Variants in SAMHD1 observed in about 807,000 individuals in gnomAD.
SAMHD1 encodes SAM and HD domain containing deoxynucleoside triphosphate triphosphohydrolase 1.
SAMHD1 carries 54 observed loss-of-function variants against 79.6 expected under a neutral mutation model. The observed-to-expected ratio is 0.68, with a 90% CI of 0.55 to 0.85. The LOEUF (loss-of-function observed/expected upper bound fraction) is 0.85. Among genes scored for constraint, SAMHD1 ranks in the 40% least tolerant of loss-of-function variants. The pLI is 0.00. For synonymous variants in SAMHD1, 260 were observed against 264.1 expected, an observed-to-expected ratio of 0.98 and a Z score of 0.15; for missense variants, 663 against 782.7, an observed-to-expected ratio of 0.85 and a Z score of 1.82.
In SAMHD1 at chr20:36,897,462, T is replaced by C. The variant is rs543807499; in HGVS notation, c.1746+360A>G. On this transcript the variant is annotated intron_variant, in intron 15 of 15. Transcript: ENST00000646673. The stretch of plus-strand genomic sequence containing the variant: ...AGGTTTAGAAACATGAAGTCTATTA[T>C]CAATTTTATGTTAAACAAGTTAACT... 6 of 329,234 alleles carry C rather than the reference T, an allele frequency of 1.8e-5. No homozygotes were observed. In the East Asian group the frequency reaches 3.8e-4, roughly 21 times the overall value. 20.4% of individuals were successfully genotyped at this position (329,234 alleles called of 1,614,324 possible).
At chr20:36,901,754 T>A (rs1601116273) in intron 13 of SAMHD1, among the ~76,000 whole-genome samples, 3 of 151,888 alleles carry the variant, frequency 2.0e-5, no homozygotes, top group Non-Finnish European at 2.9e-5. Flanking sequence ...AAATAAATAA[T>A]TAACACTAAA....
At position 36,951,436 on chromosome 20, in the gene SAMHD1, C is replaced by T; in HGVS notation, c.208G>A (p.Glu70Lys). The change falls in exon 1 of 16, where the codon GAA (glutamate) becomes AAA (lysine). Residue 70 changes from glutamate (E) to lysine (K), a missense_variant and splice_region_variant. Coordinates refer to ENST00000646673, the MANE Select transcript of SAMHD1 (RefSeq NM_015474.4). ...CCCTCAGCCCCTCCGGAGCCGCTAC[C>T]TCGGATGTTCTTCAGCAGCACCGGC... ...EEPVLLKNIR[E>K]NEITGALLPC... is the part of the protein sequence containing the mutation. The T allele has an allele frequency of 6.2e-7, 1 of 1,613,882 alleles. No homozygotes were observed. The highest frequency in any genetic ancestry group is 8.5e-7 in the Non-Finnish European group (1 of 1,179,944).
At chr20:36,904,099 G>A (rs561335659) in intron 13 of SAMHD1, 58 bp downstream of exon 13, 1 of 1,147,878 alleles carries the variant, frequency 8.7e-7, no homozygotes, top group Non-Finnish European at 1.3e-6. Flanking sequence ...TTTTATAATG[G>A]TGGGTGCTTT....
intron 3 of SAMHD1, among the ~76,000 whole-genome samples, chr20:36,935,701 G>C (rs2063598620): frequency 1.3e-5 from 2 of 151,818 alleles, no homozygotes; most frequent in Non-Finnish European, 2.9e-5. Context: ...CTCCTGAGTA[G>C]CTGGGACTAC....
intron 3 of SAMHD1, among the ~76,000 whole-genome samples, chr20:36,937,459 T>G (rs1282697809): frequency 6.6e-6 from 1 of 151,990 alleles, no homozygotes; most frequent in Non-Finnish European, 1.5e-5. Flanking sequence ...TGGGAAAAAA[T>G]ATTTGTGTAT....
At position 36,890,414 on chromosome 20, in the gene SAMHD1, C is replaced by CTTTCTTTCTTTCT. The variant is rs1555830169; in HGVS notation, c.*2517_*2518insAGAAAGAAAGAAA. ...TTTCTTTCTCTTTCTTTCTTTCTTT[C>CTTTCTTTCTTTCT]TTTCTTTTCTTTCTCTCTTTCCTTC... On this transcript the variant is annotated 3_prime_UTR_variant, in exon 16 of 16. Transcript: ENST00000646673. 1 of 150,100 alleles carries CTTTCTTTCTTTCT rather than the reference C, an allele frequency of 6.7e-6. No individual in the cohort carries two copies. The highest frequency in any genetic ancestry group is 2.5e-5 in the African/African-American group (1 of 40,808). The allele number at this position is 150,100 out of a possible 1,614,324, so 9.3% of individuals were successfully genotyped here. A position where few individuals can be genotyped will look rare whatever the true frequency, so the allele number is the denominator to read the frequency against.
At chr20:36,935,836 G>T (rs1218329713) in intron 3 of SAMHD1, among the ~76,000 whole-genome samples, 1 of 152,012 alleles carries the variant, frequency 6.6e-6, no homozygotes, top group East Asian at 1.9e-4. Context: ...CTCCCAAAGT[G>T]TTGGGATTAC....
intron 3 of SAMHD1, 49 bp downstream of exon 3, chr20:36,940,990 G>A: frequency 7.4e-7 from 1 of 1,351,834 alleles, no homozygotes; most frequent in Admixed American, 1.7e-5. Context: ...ACATAATTGA[G>A]TTATATCACT....
chr20:36,918,988 T>C (rs1384314287), intron 7 of SAMHD1, among the ~76,000 whole-genome samples: 3 of 151,298 alleles, frequency 2.0e-5, no homozygotes, highest in Admixed American at 2.0e-4. Flanking sequence ...ATACAAAAAT[T>C]AGCTGGGCAT....
At chr20:36,934,510 T>A in intron 4 of SAMHD1, 1 of 78,350 alleles carries the variant, frequency 1.3e-5, no homozygotes, top group Non-Finnish European at 2.1e-5. Flanking sequence ...TGAAAGAGAC[T>A]CTGTCTCAAA....
At chr20:36,939,022 A>T (rs967599052) in intron 3 of SAMHD1, among the ~76,000 whole-genome samples, 5 of 141,256 alleles carry the variant, frequency 3.5e-5, no homozygotes, top group African/African-American at 1.3e-4. Context: ...TGAGGTCAGG[A>T]GTTCAAGACC....
chr20:36,934,625 TA>T lies in SAMHD1; in HGVS notation c.509+403del, dbSNP rs1397720774. 3 of 161,534 alleles carry T rather than the reference TA, an allele frequency of 1.9e-5. No individual in the cohort carries two copies. The South Asian group carries it at 4.6e-4, about 25-fold the overall frequency. 10.0% of individuals were successfully genotyped at this position (161,534 alleles called of 1,614,324 possible). On this transcript the variant is annotated intron_variant, in intron 4 of 15. Coordinates refer to ENST00000646673, the MANE Select transcript of SAMHD1 (RefSeq NM_015474.4). The stretch of plus-strand genomic sequence containing the variant: ...TTATTCTCTAAAAGATTAAGACAAC[TA>T]TTTCTTTTTTTTCCTGTTTTCTTTT...
intron 14 of SAMHD1, 63 bp downstream of exon 14, chr20:36,898,377 C>A: frequency 7.8e-7 from 1 of 1,276,744 alleles, no homozygotes; most frequent in East Asian, 2.3e-5. Context: ...ATATAAAATG[C>A]TAATTTACTA....
intron 5 of SAMHD1, among the ~76,000 whole-genome samples, chr20:36,928,302 T>A (rs1274968495): frequency 1.3e-5 from 2 of 151,776 alleles, no homozygotes; most frequent in Admixed American, 6.6e-5. Context: ...GACAGGAGAA[T>A]GGCGTGAACC....
At chr20:36,899,615 G>A (rs1244580630) in intron 13 of SAMHD1, among the ~76,000 whole-genome samples, 2 of 152,184 alleles carry the variant, frequency 1.3e-5, no homozygotes, top group East Asian at 1.9e-4. Flanking sequence ...TCCTGGGAAA[G>A]TGACTTTACT....
intron 15 of SAMHD1, among the ~76,000 whole-genome samples, chr20:36,896,366 G>A (rs1414086956): frequency 6.6e-6 from 1 of 152,044 alleles, no homozygotes; most frequent in African/African-American, 2.4e-5. Flanking sequence ...ATTCCCACGG[G>A]TGTCACTCTA....
chr20:36,933,266 A>G (rs1341350237), intron 4 of SAMHD1, among the ~76,000 whole-genome samples: 1 of 152,180 alleles, frequency 6.6e-6, no homozygotes, highest in East Asian at 1.9e-4. Context: ...TCCTGGCTCT[A>G]CACTGCATAA....
chr20:36,904,144 G>A lies in SAMHD1; in HGVS notation c.1503+13C>T, dbSNP rs1221627138. ...ACGTATTCACTCAGTTTATTACTGGGCTAATTACTTACATCCACTATAAAA... is the reference window on the plus strand; with the variant it reads ...ACGTATTCACTCAGTTTATTACTGGACTAATTACTTACATCCACTATAAAA... On this transcript the variant is annotated intron_variant, in intron 13 of 15. Transcript: ENST00000646673. 1 of 1,552,046 alleles carries A rather than the reference G, an allele frequency of 6.4e-7. No individual in the cohort carries two copies.
intron 15 of SAMHD1, chr20:36,894,271 C>T (rs548764073): frequency 1.1e-5 from 2 of 178,032 alleles, no homozygotes; most frequent in African/African-American, 4.7e-5. Flanking sequence ...GAATTTTGCT[C>T]TGTCACCCAT....
Sources: allele counts gnomAD v4.1 joint callset (sites outside exome capture counted in the v4.1 genomes callset), GRCh38; gene constraint gnomAD v4.1.1; transcripts MANE v1.5; gene names NCBI Gene and HGNC (gene_info 2026-07-23, HGNC 2026-07-21).